Variants in HJV observed in about 807,000 individuals in gnomAD.
HJV encodes the protein hemojuvelin BMP co-receptor, also known as hemojuvelin.
A neutral mutation model predicts 22.7 loss-of-function variants in HJV; 18 were observed. The observed-to-expected ratio is 0.79, with a 90% CI of 0.55 to 1.18. HJV has a LOEUF of 1.18. Among genes scored for constraint, HJV ranks in the 50% most tolerant of loss-of-function variants. The probability of loss-of-function intolerance (pLI) is 0.00; values close to 1 mark genes in which losing one functional copy is unlikely to be tolerated. For missense variants in HJV, 572 were observed against 553.0 expected (o/e 1.03, Z -0.34); for synonymous variants, 229 against 222.7 (o/e 1.03, Z -0.25).
intron 3 of HJV, 116 bp downstream of exon 3, chr1:146,019,059 G>T: frequency 2.2e-6 from 2 of 920,164 alleles, no homozygotes; most frequent in Non-Finnish European, 1.8e-6. Context: ...ATGGGGGAGA[G>T]GTTGAGGAAG....
At chr1:146,018,996 C>T (rs1652527707) in intron 3 of HJV, among the ~76,000 whole-genome samples, 179 bp downstream of exon 3, 1 of 152,164 alleles carries the variant, frequency 6.6e-6, no homozygotes, top group African/African-American at 2.4e-5. Flanking sequence ...AAATTCCCAT[C>T]AAGGGGAAGT....
Position 146,019,411 on chromosome 1 carries a change from C to T in HJV, c.421G>A (p.Gly141Ser). The T allele has an allele frequency of 1.9e-6, 3 of 1,612,556 alleles. No individual in the cohort carries two copies. Among genetic ancestry groups the T allele is most frequent in the Non-Finnish European group, 2.5e-6 (3 of 1,179,508 alleles). Residue 141 changes from glycine (G) to serine (S), a missense_variant, in exon 3 of 4, where the codon GGC (glycine) becomes AGC (serine). Coordinates refer to ENST00000336751, the MANE Select transcript of HJV (RefSeq NM_213653.4). Reference sequence around the variant, plus strand: ...TCACAAGGGTCCGGGGCAGGGAGGCCGGAGCCCGCGCCTGGAAGGGCGGGG... The same window carrying T: ...TCACAAGGGTCCGGGGCAGGGAGGCTGGAGCCCGCGCCTGGAAGGGCGGGG... ...RGPALPGAGS[G>S]LPAPDPCDYE...
At position 146,018,291 on chromosome 1, in the gene HJV, G is replaced by T. The variant is rs1553769405; in HGVS notation, c.1067C>A (p.Ala356Asp). Residue 356 changes from alanine (A) to aspartate (D), a missense_variant, in exon 4 of 4, where the codon GCT becomes GAT. Physicochemically the swap from Ala to Asp is moderately radical, Grantham distance 126 (BLOSUM62 -2). Transcript: ENST00000336751. ...ATCAAAGACACAGGAATGGAAGTAA[G>T]CATCTTCCACTGGAAGCCCTTCCTT... is the stretch of plus-strand genomic sequence containing the variant. ...LCKEGLPVED[A>D]YFHSCVFDVL... 1 of 1,614,088 alleles carries T rather than the reference G, an allele frequency of 6.2e-7. No individual in the cohort carries two copies. Among genetic ancestry groups the T allele is most frequent in the East Asian group, 2.2e-5 (1 of 44,892 alleles).
chr1:146,018,198 A>G lies in HJV; in HGVS notation c.1160T>C (p.Phe387Ser), dbSNP rs782226577. 6.2e-7 allele frequency: 1 copy of G among 1,614,178 alleles called. No homozygotes were observed. The highest frequency in any genetic ancestry group is 1.7e-5 in the Admixed American group (1 of 60,012). ...ATGCAGCTTCTCTAAGTCTGGCAGG[A>G]AGGCTCGGGCATCCTCCAGTGCTGC... is the stretch of plus-strand genomic sequence containing the variant. ...AQAALEDARA[F>S]LPDLEKLHLF... The change falls in exon 4 of 4, where the codon TTC becomes TCC. Residue 387 changes from phenylalanine (F) to serine (S), a missense_variant. Coordinates refer to ENST00000336751, the MANE Select transcript of HJV (RefSeq NM_213653.4).
In HJV at chr1:146,019,688, C is replaced by T. The variant is rs903023120; in HGVS notation, c.144G>A (p.Ser48=). 2 of 1,613,820 alleles carry T rather than the reference C, an allele frequency of 1.2e-6. No homozygotes were observed. The highest frequency in any genetic ancestry group is 2.2e-5 in the East Asian group (1 of 44,870). Residue 48 remains serine (S), a synonymous_variant, in exon 3 of 4, where the codon TCG becomes TCA. Transcript: ENST00000336751. ...CCCCACCTCTAAGGCTCAGAGTGGA[C>T]GATACGTACTCAGCATTGCAGCGGA... ...KILRCNAEYV[S]STLSLRGGGS...
At position 146,018,242 on chromosome 1, in the gene HJV, G is replaced by T. The variant is rs1443620169; in HGVS notation, c.1116C>A (p.Asn372Lys). 1 of 1,614,082 alleles carries T rather than the reference G, an allele frequency of 6.2e-7. No homozygotes were observed. ...GTGCTGCCTGAGCTGCCACGGTAAAGTTGGGATCACCAGAAATTAAAACAT... is the reference window on the plus strand; with the variant it reads ...GTGCTGCCTGAGCTGCCACGGTAAATTTGGGATCACCAGAAATTAAAACAT... ...VFDVLISGDP[N>K]FTVAAQAALE... The change falls in exon 4 of 4, where the codon AAC becomes AAA. Residue 372 changes from asparagine to lysine, a missense_variant. Asn to Lys is a moderately conservative substitution (Grantham distance 94). Coordinates refer to ENST00000336751, the MANE Select transcript of HJV (RefSeq NM_213653.4).
In HJV at chr1:146,017,499, AGATTAGT is replaced by A; in HGVS notation, c.*571_*577del. ...GTGAAGAATTTGTAGCTTTAATAAC[AGATTAGT>A]TAGGGGGTAGGGATGATACTTCTGT... is the stretch of plus-strand genomic sequence containing the variant. On this transcript the variant is annotated 3_prime_UTR_variant, in exon 4 of 4. Coordinates refer to ENST00000336751, the MANE Select transcript of HJV (RefSeq NM_213653.4). 1 of 171,708 alleles carries A rather than the reference AGATTAGT, an allele frequency of 5.8e-6. No individual in the cohort carries two copies. Among genetic ancestry groups the A allele is most frequent in the Non-Finnish European group, 1.4e-5 (1 of 70,772 alleles). 10.6% of individuals were successfully genotyped at this position (171,708 alleles called of 1,614,324 possible).
At position 146,020,408 on chromosome 1, in the gene HJV, A is replaced by G. The variant is rs587618901; in HGVS notation, c.-89-88T>C. 6.2e-4 allele frequency: 376 copies of G among 604,004 alleles called. No individual in the cohort carries two copies. In the East Asian group the frequency reaches 0.01, roughly 17 times the overall value. The allele number at this position is 604,004 out of a possible 1,614,324, so 37.4% of individuals were successfully genotyped here. A position where few individuals can be genotyped will look rare whatever the true frequency, so the allele number is the denominator to read the frequency against. ...GTGGAGTGAATCTGGGGAGATCAAG[A>G]AAAGGATGAACAGACTGGAATTTGG... On this transcript the variant is annotated intron_variant, in intron 1 of 3. Transcript: ENST00000336751.
Position 146,019,533 on chromosome 1 carries a change from T to G in HJV, c.299A>C (p.Asp100Ala), listed in dbSNP as rs1553769744. The stretch of plus-strand genomic sequence containing the variant: ...ATGTACCGCCGAATGGAAGGCGAGG[T>G]CCCCGCGGCAGGTGCGGGCGGTGCG... Reference protein sequence around the residue: ...TRRTARTCRGDLAFHSAVHGI... With the variant: ...TRRTARTCRGALAFHSAVHGI... The change falls in exon 3 of 4, where the codon GAC (aspartate) becomes GCC (alanine). Residue 100 changes from aspartate to alanine, a missense_variant. Physicochemically the swap from Asp to Ala is moderately radical, Grantham distance 126 (BLOSUM62 -2). Coordinates refer to ENST00000336751, the MANE Select transcript of HJV (RefSeq NM_213653.4). The G allele has an allele frequency of 6.2e-7, 1 of 1,612,800 alleles. No homozygotes were observed. Among genetic ancestry groups the G allele is most frequent in the South Asian group, 1.1e-5 (1 of 91,064 alleles).
chr1:146,019,697 C>T lies in HJV; in HGVS notation c.135G>A (p.Glu45=). The T allele has an allele frequency of 6.2e-7, 1 of 1,613,948 alleles. No homozygotes were observed. The highest frequency in any genetic ancestry group is 8.5e-7 in the Non-Finnish European group (1 of 1,179,928). ...TAAGGCTCAGAGTGGACGATACGTA[C>T]TCAGCATTGCAGCGGAGGATCTTGC... is the stretch of plus-strand genomic sequence containing the variant. ...SQCKILRCNA[E]YVSSTLSLRG... Residue 45 remains glutamate (E), a synonymous_variant, in exon 3 of 4, where the codon GAG becomes GAA. Coordinates refer to ENST00000336751, the MANE Select transcript of HJV (RefSeq NM_213653.4).
rs1553769473 is a variant in HJV at position 146,018,465 on chromosome 1, A to G, written c.893T>C (p.Ile298Thr). 6.2e-7 allele frequency: 1 copy of G among 1,614,050 alleles called. No individual in the cohort carries two copies. The highest frequency in any genetic ancestry group is 8.5e-7 in the Non-Finnish European group (1 of 1,180,034). The change falls in exon 4 of 4, where the codon ATC becomes ACC. Residue 298 changes from isoleucine (I) to threonine (T), a missense_variant. Coordinates refer to ENST00000336751, the MANE Select transcript of HJV (RefSeq NM_213653.4). ...CATGGCCACATCCTCTGCTACCTTGATGGAGAAGGAGAGCTGCCCAGCTGT... is the reference window on the plus strand; with the variant it reads ...CATGGCCACATCCTCTGCTACCTTGGTGGAGAAGGAGAGCTGCCCAGCTGT... ...RQTAGQLSFSIKVAEDVAMAF... is the reference protein window; with the variant it reads ...RQTAGQLSFSTKVAEDVAMAF...
At position 146,019,371 on chromosome 1, in the gene HJV, A is replaced by C; in HGVS notation, c.461T>G (p.Phe154Cys). Residue 154 changes from phenylalanine (F) to cysteine (C), a missense_variant, in exon 3 of 4, where the codon TTT (phenylalanine) becomes TGT (cysteine). Transcript: ENST00000336751. ...APDPCDYEGR[F>C]SRLHGRPPGF... ...CGGGGGACGACCATGCAGCCGGGAAAACCGGCCTTCATAGTCACAAGGGTC... is the reference window on the plus strand; with the variant it reads ...CGGGGGACGACCATGCAGCCGGGAACACCGGCCTTCATAGTCACAAGGGTC... 4 of 1,613,800 alleles carry C rather than the reference A, an allele frequency of 2.5e-6. No homozygotes were observed. Among genetic ancestry groups the C allele is most frequent in the Non-Finnish European group, 3.4e-6 (4 of 1,180,034 alleles).
In HJV at chr1:146,018,476, G is replaced by A. The variant is rs149252225; in HGVS notation, c.882C>T (p.Leu294=). 8.7e-6 allele frequency: 14 copies of A among 1,614,088 alleles called. No homozygotes were observed. In the African/African-American group the frequency reaches 1.7e-4, roughly 20 times the overall value. The part of the protein sequence containing the change: ...TIIIRQTAGQ[L]SFSIKVAEDV... Reference sequence around the variant, plus strand: ...CCTCTGCTACCTTGATGGAGAAGGAGAGCTGCCCAGCTGTCTGCCGAATGA... The same window carrying A: ...CCTCTGCTACCTTGATGGAGAAGGAAAGCTGCCCAGCTGTCTGCCGAATGA... Residue 294 remains leucine (L), a synonymous_variant, in exon 4 of 4, where the codon CTC becomes CTT. Coordinates refer to ENST00000336751, the MANE Select transcript of HJV (RefSeq NM_213653.4).
Position 146,019,403 on chromosome 1 carries a change from AGGGAGGCCGGAGCCCGCGCCT to A in HJV, c.408_428del (p.Gly137_Pro143del). On this transcript the variant is annotated inframe_deletion, in exon 3 of 4. Transcript: ENST00000336751. ...CTTCATAGTCACAAGGGTCCGGGGC[AGGGAGGCCGGAGCCCGCGCCT>A]GGAAGGGCGGGGCCCCGGGGCGGGG... 2 of 1,613,172 alleles carry A rather than the reference AGGGAGGCCGGAGCCCGCGCCT, an allele frequency of 1.2e-6. No homozygotes were observed. The highest frequency in any genetic ancestry group is 8.5e-7 in the Non-Finnish European group (1 of 1,179,800).
In HJV at chr1:146,017,863, A is replaced by G. The variant is rs1553769296; in HGVS notation, c.*214T>C. Reference sequence around the variant, plus strand: ...TAAATGAGGCTGGAAAAATTGGTGAAGAGCCCCACAGAGATCCGGAATGCA... The same window carrying G: ...TAAATGAGGCTGGAAAAATTGGTGAGGAGCCCCACAGAGATCCGGAATGCA... On this transcript the variant is annotated 3_prime_UTR_variant, in exon 4 of 4. Coordinates refer to ENST00000336751, the MANE Select transcript of HJV (RefSeq NM_213653.4). The G allele has an allele frequency of 3.4e-6, 2 of 593,970 alleles. No individual in the cohort carries two copies. Among genetic ancestry groups the G allele is most frequent in the East Asian group, 5.9e-5 (2 of 33,944 alleles). 36.8% of individuals were successfully genotyped at this position (593,970 alleles called of 1,614,324 possible). A position where few individuals can be genotyped will look rare whatever the true frequency, so the allele number is the denominator to read the frequency against.
At chr1:146,019,050 T>G in intron 3 of HJV, 125 bp downstream of exon 3, 1 of 875,600 alleles carries the variant, frequency 1.1e-6, no homozygotes, top group Non-Finnish European at 1.9e-6. Context: ...TGATTCGAGA[T>G]GGGGGAGAGG....
intron 3 of HJV, 87 bp from the exon 4 acceptor site, chr1:146,018,787 C>G: frequency 7.2e-7 from 1 of 1,388,386 alleles, no homozygotes; most frequent in Non-Finnish European, 1.0e-6. Flanking sequence ...GAGATCTGAT[C>G]CAAGTAGAGA....
rs1287859154 is a variant in HJV at position 146,019,561 on chromosome 1, G to T, written c.271C>A (p.Arg91=). ...RALRSYALCT[R]RTARTCRGDL... is the part of the protein sequence containing the mutation. ...CCGCGGCAGGTGCGGGCGGTGCGCC[G>T]AGTGCAGAGCGCATAGGAGCGGAGG... The change falls in exon 3 of 4, where the codon CGG becomes AGG. Residue 91 remains arginine (R), a synonymous_variant. Transcript: ENST00000336751. 1.2e-6 allele frequency: 2 copies of T among 1,613,174 alleles called. No individual in the cohort carries two copies. Among genetic ancestry groups the T allele is most frequent in the Non-Finnish European group, 1.7e-6 (2 of 1,179,988 alleles).
At chr1:146,019,827 G>T (rs1652607087) in intron 2 of HJV, 93 bp from the exon 3 acceptor site, 1 of 1,602,388 alleles carries the variant, frequency 6.2e-7, no homozygotes, top group Non-Finnish European at 8.5e-7. Context: ...ATCTCATCAG[G>T]GGTTTCCAGC....
Sources: allele counts gnomAD v4.1 joint callset (sites outside exome capture counted in the v4.1 genomes callset), GRCh38; gene constraint gnomAD v4.1.1; transcripts MANE v1.5; gene names NCBI Gene and HGNC (gene_info 2026-07-23, HGNC 2026-07-21).